CCDC175: variants seen among roughly 807,000 people sequenced by gnomAD.
The protein encoded by CCDC175 is coiled-coil domain-containing protein 175.
In CCDC175, 100 loss-of-function variants were observed where a neutral mutation model predicts 114.6. That is an observed-to-expected ratio of 0.87 (90% CI 0.74 to 1.03). CCDC175 has a LOEUF of 1.03. CCDC175 is among the 50% of genes least tolerant of loss of function. CCDC175 has a pLI of 0.00. For missense variants in CCDC175, 880 were observed against 917.8 expected, an observed-to-expected ratio of 0.96 and a Z score of 0.53; for synonymous variants, 306 against 308.7, an observed-to-expected ratio of 0.99 and a Z score of 0.09.
At chr14:59,519,067 G>A (rs1465963465) in intron 17 of CCDC175, among the ~76,000 whole-genome samples, 1 of 152,026 alleles carries the variant, frequency 6.6e-6, no homozygotes, top group African/African-American at 2.4e-5. Context: ...CTATTGCAAG[G>A]ACAAAAAACC....
intron 13 of CCDC175, among the ~76,000 whole-genome samples, chr14:59,532,890 T>C (rs1431477076): frequency 6.6e-6 from 1 of 152,206 alleles, no homozygotes; most frequent in Non-Finnish European, 1.5e-5. Context: ...ATGTTCAGAC[T>C]CACAAAATTT....
At chr14:59,536,860 C>T (rs2140023321) in intron 13 of CCDC175, among the ~76,000 whole-genome samples, 1 of 152,244 alleles carries the variant, frequency 6.6e-6, no homozygotes, top group South Asian at 2.1e-4. Flanking sequence ...CGGCTCACTG[C>T]AACCTCTGCC....
At chr14:59,522,611 A>G (rs932107024) in intron 16 of CCDC175, among the ~76,000 whole-genome samples, 10 of 151,476 alleles carry the variant, frequency 6.6e-5, no homozygotes, top group Non-Finnish European at 1.5e-4. Flanking sequence ...TCCACAGCTC[A>G]CTCCTTCAAA....
At chr14:59,546,623 T>G (rs1031248639) in intron 8 of CCDC175, among the ~76,000 whole-genome samples, 10 of 152,130 alleles carry the variant, frequency 6.6e-5, no homozygotes, top group Non-Finnish European at 1.5e-4. Context: ...TGGGTTTTTT[T>G]GCATGGCAAG....
chr14:59,510,896 A>T (rs1341197291), intron 18 of CCDC175, 88 bp from the exon 19 acceptor site: 5 of 1,130,040 alleles, frequency 4.4e-6, no homozygotes, highest in Middle Eastern at 2.0e-4. Flanking sequence ...TCCAAAAAAA[A>T]ATATTATATA....
At chr14:59,511,290 G>A (rs1369592048) in intron 18 of CCDC175, among the ~76,000 whole-genome samples, 1 of 152,154 alleles carries the variant, frequency 6.6e-6, no homozygotes, top group South Asian at 2.1e-4. Flanking sequence ...CTTAAATGAG[G>A]ATTATGTGTA....
intron 11 of CCDC175, among the ~76,000 whole-genome samples, chr14:59,539,058 C>T (rs1453442734): frequency 6.6e-6 from 1 of 152,214 alleles, no homozygotes; most frequent in African/African-American, 2.4e-5. Flanking sequence ...GTTACATCTA[C>T]ACTTCCAATA....
intron 7 of CCDC175, among the ~76,000 whole-genome samples, chr14:59,556,486 T>G (rs1270601511): frequency 1.3e-5 from 2 of 152,204 alleles, no homozygotes. Context: ...ACTTAAGTCT[T>G]AGACCTAAAA....
chr14:59,564,308 A>AG, intron 5 of CCDC175: 1 of 152,982 alleles, frequency 6.5e-6, no homozygotes. Flanking sequence ...ACACAGAGTA[A>AG]ACAAAATCAT....
At chr14:59,521,018 T>C (rs1306673479) in intron 17 of CCDC175, among the ~76,000 whole-genome samples, 4 of 152,218 alleles carry the variant, frequency 2.6e-5, no homozygotes, top group Non-Finnish European at 5.9e-5. Context: ...AAACTTTATA[T>C]GTAAAGAACA....
Position 59,511,548 on chromosome 14 carries a change from T to TAA in CCDC175, c.2142+210_2142+211dup, listed in dbSNP as rs34490884. On this transcript the variant is annotated intron_variant, in intron 18 of 19. Transcript: ENST00000537690. ...ATTAAGATTTCATAGTGATATTTGG[T>TAA]AAAAAAAAAAAAAAAAAAAGACACA... 2.6e-3 allele frequency among the ~76,000 whole-genome samples: 249 copies of TAA among 94,646 alleles called. 5 individuals are homozygous for TAA. Among genetic ancestry groups the TAA allele is most frequent in the African/African-American group, 9.7e-3 (237 of 24,358 alleles). 62.1% of individuals were successfully genotyped at this position (94,646 alleles called of 152,430 possible). A position where few individuals can be genotyped will look rare whatever the true frequency, so the allele number is the denominator to read the frequency against.
At chr14:59,555,686 C>T (rs1595059414) in intron 7 of CCDC175, among the ~76,000 whole-genome samples, 1 of 152,170 alleles carries the variant, frequency 6.6e-6, no homozygotes, top group South Asian at 2.1e-4. Flanking sequence ...TCCCTGTTTG[C>T]AGATGACATG....
At chr14:59,562,778 G>T (rs1001439156) in intron 6 of CCDC175, among the ~76,000 whole-genome samples, 4 of 152,174 alleles carry the variant, frequency 2.6e-5, no homozygotes, top group Non-Finnish European at 5.9e-5. Context: ...AAATATGAGC[G>T]TGGGCATGCA....
chr14:59,528,643 A>T (rs1357794788), intron 14 of CCDC175, among the ~76,000 whole-genome samples: 2 of 152,160 alleles, frequency 1.3e-5, no homozygotes, highest in African/African-American at 4.8e-5. Context: ...TCTTTAGATC[A>T]TTATAATAAT....
Position 59,540,741 on chromosome 14 carries a change from G to C in CCDC175, c.1289C>G (p.Thr430Arg). 1 of 1,206,354 alleles carries C rather than the reference G, an allele frequency of 8.3e-7. No homozygotes were observed. 74.7% of individuals were successfully genotyped at this position (1,206,354 alleles called of 1,614,324 possible). Reference sequence around the variant, plus strand: ...GATTTGTTGCTGATACACTGTTTTTGTTGCTCTAAAAAGAAAAACATATTG... The same window carrying C: ...GATTTGTTGCTGATACACTGTTTTTCTTGCTCTAAAAAGAAAAACATATTG... The part of the protein sequence containing the change: ...LITLQELQQA[T>R]KTVYQQQIKI... The change falls in exon 11 of 20, where the codon ACA (threonine) becomes AGA (arginine). Residue 430 changes from threonine (T) to arginine (R), a missense_variant. Thr to Arg is a moderately conservative substitution (Grantham distance 71). Transcript: ENST00000537690.
intron 8 of CCDC175, 126 bp downstream of exon 8, chr14:59,551,225 TACAA>T (rs1334926202): frequency 1.9e-6 from 1 of 516,860 alleles, no homozygotes; most frequent in Non-Finnish European, 3.3e-6. Flanking sequence ...TTTAAATTAC[TACAA>T]ACAACCATAT....
At chr14:59,521,071 C>T (rs1450850648) in intron 17 of CCDC175, among the ~76,000 whole-genome samples, 1 of 152,106 alleles carries the variant, frequency 6.6e-6, no homozygotes, top group East Asian at 1.9e-4. Context: ...TTGAAAGATG[C>T]AAAGTACTGT....
At chr14:59,507,043 A>G (rs1405964559) in intron 19 of CCDC175, among the ~76,000 whole-genome samples, 1 of 152,358 alleles carries the variant, frequency 6.6e-6, no homozygotes, top group Admixed American at 6.5e-5. Flanking sequence ...TTACATATAC[A>G]CTAAGAATTA....
At chr14:59,506,036 A>G (rs1030408965) in intron 19 of CCDC175, among the ~76,000 whole-genome samples, 1 of 152,086 alleles carries the variant, frequency 6.6e-6, no homozygotes, top group Non-Finnish European at 1.5e-5. Context: ...AAAAGCTTTG[A>G]GTTTTGGAGC....
Sources: allele counts gnomAD v4.1 joint callset (sites outside exome capture counted in the v4.1 genomes callset), GRCh38; gene constraint gnomAD v4.1.1; transcripts MANE v1.5; gene names NCBI Gene and HGNC (gene_info 2026-07-23, HGNC 2026-07-21).